MAP3K5: variants seen among roughly 807,000 people sequenced by gnomAD.
The protein encoded by MAP3K5 is ASK-1.
A neutral mutation model predicts 158.7 loss-of-function variants in MAP3K5; 56 were observed. That is an observed-to-expected ratio of 0.35 (90% CI 0.28 to 0.44). MAP3K5 has a LOEUF of 0.44. MAP3K5 is among the 20% of genes least tolerant of loss of function. The probability of loss-of-function intolerance (pLI) is 1.00; values close to 1 mark genes in which losing one functional copy is unlikely to be tolerated. For missense variants in MAP3K5, 1,294 were observed against 1,674.8 expected (o/e 0.77, Z 3.97); for synonymous variants, 579 against 601.7 (o/e 0.96, Z 0.55).
At chr6:136,601,261 G>A (rs997127477) in intron 20 of MAP3K5, among the ~76,000 whole-genome samples, 2 of 151,882 alleles carry the variant, frequency 1.3e-5, no homozygotes, top group African/African-American at 4.8e-5. Context: ...AAAATATAAT[G>A]TACTTATATT....
rs751497483 is a variant in MAP3K5, at chr6:136,720,573, C to T, written c.465G>A (p.Glu155=). ...RFYNADIAVV[E]MSDAFRQPSL... is the part of the protein sequence containing the mutation. ...ACGGCTGCCGGAAGGCATCGCTCAT[C>T]TCCACCACCGCAATATCTGCAAACA... The change falls in exon 2 of 30, where the codon GAG becomes GAA. Residue 155 remains glutamate, a synonymous_variant. Transcript: ENST00000359015. 1.2e-6 allele frequency: 2 copies of T among 1,611,230 alleles called. No homozygotes were observed. Among genetic ancestry groups the T allele is most frequent in the Non-Finnish European group, 1.7e-6 (2 of 1,178,848 alleles).
intron 26 of MAP3K5, among the ~76,000 whole-genome samples, chr6:136,567,072 A>T (rs1774144728): frequency 2.0e-5 from 3 of 152,248 alleles, no homozygotes. Flanking sequence ...GCTGTTAATA[A>T]TCTGATCCTG....
intron 24 of MAP3K5, 68 bp from the exon 25 acceptor site, chr6:136,580,474 T>C: frequency 1.1e-6 from 1 of 882,796 alleles, no homozygotes; most frequent in Admixed American, 1.9e-5. Context: ...ATCGAAGCAC[T>C]TGTATGAAGT....
intron 20 of MAP3K5, among the ~76,000 whole-genome samples, 177 bp from the exon 21 acceptor site, chr6:136,601,219 C>CT (rs11434015): frequency 0.12 from 17,731 of 151,948 alleles, 2,199 homozygotes; most frequent in East Asian, 0.32. Flanking sequence ...GGAACCTTTA[C>CT]TTTTTTTTCT....
intron 24 of MAP3K5, among the ~76,000 whole-genome samples, chr6:136,581,360 AAAC>A (rs1183971794): frequency 6.6e-6 from 1 of 152,222 alleles, no homozygotes; most frequent in African/African-American, 2.4e-5. Context: ...ACCTTTGTAA[AAAC>A]AAGCTTTTAG....
chr6:136,623,685 C>T (rs1471564443), intron 14 of MAP3K5, among the ~76,000 whole-genome samples: 2 of 152,166 alleles, frequency 1.3e-5, no homozygotes, highest in Non-Finnish European at 1.5e-5. Flanking sequence ...GGCATCACCC[C>T]AAAGCCACAT....
intron 1 of MAP3K5, among the ~76,000 whole-genome samples, chr6:136,737,038 T>TGTAC (rs1782501766): frequency 8.6e-6 from 1 of 116,502 alleles, no homozygotes; most frequent in African/African-American, 6.2e-5. Context: ...TATGTGTGTG[T>TGTAC]ATATATATAT....
chr6:136,779,418 G>A (rs1444916733), intron 1 of MAP3K5, among the ~76,000 whole-genome samples: 1 of 148,508 alleles, frequency 6.7e-6, no homozygotes, highest in Non-Finnish European at 1.5e-5. Context: ...ACTTTAGCCT[G>A]GGCAACAGAG....
Position 136,728,608 on chromosome 6 carries a change from G to A in MAP3K5, c.449-8019C>T, listed in dbSNP as rs138300087. ...TTTGGTTAATTATACCATGTAAAAT[G>A]ATGCAAATATATATCAACAGTATAT... is the stretch of plus-strand genomic sequence containing the variant. On this transcript the variant is annotated intron_variant, in intron 1 of 29. Transcript: ENST00000359015. 5.4e-3 allele frequency among the ~76,000 whole-genome samples: 817 copies of A among 152,262 alleles called. 3 individuals are homozygous for A. Among genetic ancestry groups the A allele is most frequent in the Non-Finnish European group, 8.2e-3 (561 of 68,008 alleles).
intron 7 of MAP3K5, among the ~76,000 whole-genome samples, chr6:136,670,485 A>C (rs1779435851): frequency 6.6e-6 from 1 of 152,142 alleles, no homozygotes; most frequent in Non-Finnish European, 1.5e-5. Context: ...TGACACCAAA[A>C]AAAAAGGTTA....
chr6:136,683,197 C>T (rs570385162), intron 7 of MAP3K5, among the ~76,000 whole-genome samples: 3 of 152,286 alleles, frequency 2.0e-5, no homozygotes, highest in Admixed American at 6.5e-5. Flanking sequence ...TTAGTCTAAA[C>T]CGGTTGTAAT....
chr6:136,607,536 C>A (rs891498986), intron 18 of MAP3K5, among the ~76,000 whole-genome samples: 12 of 152,158 alleles, frequency 7.9e-5, no homozygotes, highest in African/African-American at 2.7e-4. Context: ...TGAGAGCCAA[C>A]CTGAACACTG....
intron 6 of MAP3K5, among the ~76,000 whole-genome samples, chr6:136,695,247 C>G (rs1486583604): frequency 6.6e-6 from 1 of 152,154 alleles, no homozygotes; most frequent in Non-Finnish European, 1.5e-5. Context: ...AAGCGATTCT[C>G]CTGCCTCAGC....
intron 2 of MAP3K5, among the ~76,000 whole-genome samples, chr6:136,710,283 A>G (rs1030506736): frequency 1.3e-5 from 2 of 152,216 alleles, no homozygotes; most frequent in Non-Finnish European, 2.9e-5. Flanking sequence ...TCAAGTACCT[A>G]TGAATAAGAA....
intron 1 of MAP3K5, among the ~76,000 whole-genome samples, chr6:136,747,046 C>G (rs1231899816): frequency 3.9e-5 from 6 of 152,122 alleles, no homozygotes; most frequent in African/African-American, 1.4e-4. Context: ...TTCAGCCTCC[C>G]CAGTAGCTGG....
chr6:136,615,291 G>T (rs1369237212), intron 15 of MAP3K5, among the ~76,000 whole-genome samples: 1 of 152,174 alleles, frequency 6.6e-6, no homozygotes, highest in African/African-American at 2.4e-5. Context: ...AAGGTAGCTT[G>T]AGCAGGAAGA....
intron 16 of MAP3K5, 46 bp downstream of exon 16, chr6:136,614,113 G>A (rs775913794): frequency 8.8e-6 from 14 of 1,594,444 alleles, no homozygotes; most frequent in South Asian, 6.7e-5. Context: ...ACTCCCCTCC[G>A]AAGCTCTAAA....
In MAP3K5 at chr6:136,756,411, T is replaced by C. The variant is rs76868757; in HGVS notation, c.448+35299A>G. On this transcript the variant is annotated intron_variant, in intron 1 of 29. Transcript: ENST00000359015. ...TGAAATGATCTCTCTGAATATGTCTTTCCAACTAGACTAGAAGCTCCTTAA... is the reference window on the plus strand; with the variant it reads ...TGAAATGATCTCTCTGAATATGTCTCTCCAACTAGACTAGAAGCTCCTTAA... Among the ~76,000 whole-genome samples, 1,009 of 152,290 alleles carry C rather than the reference T, an allele frequency of 6.6e-3. 10 individuals are homozygous for C. Among genetic ancestry groups the C allele is most frequent in the African/African-American group, 0.023 (963 of 41,562 alleles).
At chr6:136,702,774 C>G (rs995358819) in intron 3 of MAP3K5, among the ~76,000 whole-genome samples, 4 of 152,214 alleles carry the variant, frequency 2.6e-5, no homozygotes, top group African/African-American at 9.7e-5. Flanking sequence ...CGGCTCACTG[C>G]AGCCTCTGCC....
Sources: gnomAD v4.1 joint callset for allele counts (sites outside exome capture counted in the v4.1 genomes callset) on GRCh38, gnomAD v4.1.1 for gene constraint, MANE v1.5 for transcripts, NCBI Gene and HGNC (gene_info 2026-07-23, HGNC 2026-07-21) for gene names.